The following SLC1A7 variants were observed in gnomAD, a reference collection of about 807,000 sequenced individuals.
The protein encoded by SLC1A7 is excitatory amino acid transporter 5.
In SLC1A7, 40 loss-of-function variants were observed where a neutral mutation model predicts 47.7. That is an observed-to-expected ratio of 0.84 (90% CI 0.65 to 1.09). SLC1A7 has a LOEUF of 1.09. Ranked by LOEUF, SLC1A7 falls within the 50% of genes least tolerant of loss-of-function variation. The pLI is 0.00. For synonymous variants in SLC1A7, 323 were observed against 325.6 expected (o/e 0.99, Z 0.09); for missense variants, 746 against 769.5 (o/e 0.97, Z 0.36).
chr1:53,124,885 T>C (rs924334055), intron 2 of SLC1A7, among the ~76,000 whole-genome samples: 1 of 152,086 alleles, frequency 6.6e-6, no homozygotes, highest in African/African-American at 2.4e-5. Context: ...ATCACCAAGG[T>C]GAAGGTGCAG....
At chr1:53,139,877 C>A (rs1044972136) in intron 1 of SLC1A7, among the ~76,000 whole-genome samples, 3 of 152,066 alleles carry the variant, frequency 2.0e-5, no homozygotes, top group Admixed American at 1.3e-4. Flanking sequence ...AATGGATACA[C>A]CTGTGATTCA....
At chr1:53,136,564 T>TAATATATAAACATATATAATAC (rs1644997928) in intron 1 of SLC1A7, among the ~76,000 whole-genome samples, 1 of 142,992 alleles carries the variant, frequency 7.0e-6, no homozygotes, top group Non-Finnish European at 1.5e-5. Context: ...TAAACATATA[T>TAATATATAAACATATATAATAC]ATAAACATAT....
At chr1:53,095,708 C>T (rs1038322089) in intron 5 of SLC1A7, among the ~76,000 whole-genome samples, 7 of 150,110 alleles carry the variant, frequency 4.7e-5, no homozygotes, top group East Asian at 2.0e-4. Context: ...CACCCTGCCT[C>T]GGTACACACA....
intron 1 of SLC1A7, among the ~76,000 whole-genome samples, chr1:53,138,066 T>C (rs1645018966): frequency 6.6e-6 from 1 of 152,240 alleles, no homozygotes; most frequent in Middle Eastern, 3.2e-3. Flanking sequence ...ACCTCTGATA[T>C]TAGCCTGGCC....
chr1:53,112,572 G>T (rs746316962), intron 3 of SLC1A7, among the ~76,000 whole-genome samples: 11 of 152,354 alleles, frequency 7.2e-5, no homozygotes, highest in Non-Finnish European at 1.6e-4. Flanking sequence ...GGAAAGGAAT[G>T]CTTCTCCACA....
At chr1:53,099,738 T>C (rs1644550036) in intron 5 of SLC1A7, among the ~76,000 whole-genome samples, 1 of 142,970 alleles carries the variant, frequency 7.0e-6, no homozygotes, top group Non-Finnish European at 1.5e-5. Context: ...CCCCTCCTTG[T>C]TACACACACA....
chr1:53,102,291 A>G lies in SLC1A7; in HGVS notation c.697+1055T>C, dbSNP rs60400060. 1,069 of 152,388 alleles carry G rather than the reference A, an allele frequency of 7.0e-3. 76 individuals are homozygous for G. In the East Asian group the frequency reaches 0.16, roughly 23 times the overall value. The allele number at this position is 152,388 out of a possible 1,614,324, so 9.4% of individuals were successfully genotyped here. A position where few individuals can be genotyped will look rare whatever the true frequency, so the allele number is the denominator to read the frequency against. ...GGTCTGCTGAGTGCCTGCTGTAGCCACGGCAGCGGTGGGCTCTGGGGTGGA... is the reference window on the plus strand; with the variant it reads ...GGTCTGCTGAGTGCCTGCTGTAGCCGCGGCAGCGGTGGGCTCTGGGGTGGA... On this transcript the variant is annotated intron_variant, in intron 5 of 10. Coordinates refer to ENST00000371494, the MANE Select transcript of SLC1A7 (RefSeq NM_006671.6).
chr1:53,130,632 G>T (rs1030573147), intron 2 of SLC1A7, among the ~76,000 whole-genome samples: 3 of 152,194 alleles, frequency 2.0e-5, no homozygotes, highest in African/African-American at 4.8e-5. Flanking sequence ...GAGCCAGAAG[G>T]TCTGACCCCA....
chr1:53,093,415 C>T, intron 6 of SLC1A7, 46 bp downstream of exon 6: 1 of 1,419,224 alleles, frequency 7.0e-7, no homozygotes, highest in Non-Finnish European at 9.8e-7. Context: ...TTCCCTCCAT[C>T]CACCCAGGGC....
At chr1:53,137,287 C>A (rs866191751) in intron 1 of SLC1A7, among the ~76,000 whole-genome samples, 39 of 100,746 alleles carry the variant, frequency 3.9e-4, no homozygotes, top group Admixed American at 7.7e-4. Flanking sequence ...ACGCTATCTC[C>A]AAAAAAAAAA....
intron 4 of SLC1A7, among the ~76,000 whole-genome samples, chr1:53,105,159 T>C (rs143777585): frequency 6.6e-6 from 1 of 152,352 alleles, no homozygotes; most frequent in African/African-American, 2.4e-5. Context: ...TATCCTCTGC[T>C]ACCAGGGACT....
At position 53,136,296 on chromosome 1, in the gene SLC1A7, C is replaced by G. The variant is rs1644993404; in HGVS notation, c.136-1867G>C. On this transcript the variant is annotated intron_variant, in intron 1 of 10. Transcript: ENST00000371494. Reference sequence around the variant, plus strand: ...GCAACCTCCGCCTCCCAGGTTCAACCAATCCCCCTGCCTCACCCTCCCAAG... The same window carrying G: ...GCAACCTCCGCCTCCCAGGTTCAACGAATCCCCCTGCCTCACCCTCCCAAG... Among the ~76,000 whole-genome samples, 3 of 147,776 alleles carry G rather than the reference C, an allele frequency of 2.0e-5. No individual in the cohort carries two copies. In the Admixed American group the frequency reaches 2.0e-4, roughly 10 times the overall value.
chr1:53,089,051 G>A, intron 9 of SLC1A7, 72 bp from the exon 10 acceptor site: 1 of 1,167,776 alleles, frequency 8.6e-7, no homozygotes, highest in Non-Finnish European at 1.3e-6. Flanking sequence ...GCTCAACCCA[G>A]CACAGTACAG....
intron 1 of SLC1A7, among the ~76,000 whole-genome samples, chr1:53,140,544 T>C (rs1645047051): frequency 6.6e-6 from 1 of 152,136 alleles, no homozygotes. Flanking sequence ...TAACCAGCTC[T>C]GAAGCCAGGC....
At chr1:53,136,638 A>AACATATATAATATATATAT (rs1557693484) in intron 1 of SLC1A7, among the ~76,000 whole-genome samples, 107 of 42,798 alleles carry the variant, frequency 2.5e-3, no homozygotes, top group African/African-American at 0.013. Flanking sequence ...ATAATATATA[A>AACATATATAATATATATAT]AAACATATAT....
rs183298401 is a variant in SLC1A7, at chr1:53,119,525, A to G, written c.216-4552T>C. On this transcript the variant is annotated intron_variant, in intron 2 of 10. Transcript: ENST00000371494. Reference sequence around the variant, plus strand: ...CACCATGCCTGGCTAATTTTTAAAAATTTTTAGTAGAGATGGGGGTATCTT... The same window carrying G: ...CACCATGCCTGGCTAATTTTTAAAAGTTTTTAGTAGAGATGGGGGTATCTT... Among the ~76,000 whole-genome samples the G allele has an allele frequency of 4.6e-5, 7 of 152,160 alleles. No homozygotes were observed. The East Asian group carries it at 1.4e-3, about 29-fold the overall frequency.
chr1:53,126,178 C>T (rs1271862396), intron 2 of SLC1A7, among the ~76,000 whole-genome samples: 2 of 152,208 alleles, frequency 1.3e-5, no homozygotes, highest in African/African-American at 4.8e-5. Context: ...ACACCCACCC[C>T]TCTGCAGGCC....
chr1:53,090,282 C>T lies in SLC1A7; in HGVS notation c.1226+330G>A, dbSNP rs116005653. ...TGCCTGCCTGCCTCTGGGGCCTGGC[C>T]TCCAGGGTCAGACCTGTGTGCTTGG... On this transcript the variant is annotated intron_variant, in intron 8 of 10. Coordinates refer to ENST00000371494, the MANE Select transcript of SLC1A7 (RefSeq NM_006671.6). 7.4e-3 allele frequency: 3,986 copies of T among 540,668 alleles called. 26 individuals are homozygous for T. Among genetic ancestry groups the T allele is most frequent in the Non-Finnish European group, 9.4e-3 (2,860 of 303,752 alleles). 33.5% of individuals were successfully genotyped at this position (540,668 alleles called of 1,614,324 possible). A position where few individuals can be genotyped will look rare whatever the true frequency, so the allele number is the denominator to read the frequency against.
chr1:53,093,503 C>T lies in SLC1A7; in HGVS notation c.755G>A (p.Cys252Tyr). 1 of 1,611,122 alleles carries T rather than the reference C, an allele frequency of 6.2e-7. No homozygotes were observed. Among genetic ancestry groups the T allele is most frequent in the Non-Finnish European group, 8.5e-7 (1 of 1,179,860 alleles). The change falls in exon 6 of 11, where the codon TGC becomes TAC. Residue 252 changes from cysteine to tyrosine, a missense_variant. Coordinates refer to ENST00000371494, the MANE Select transcript of SLC1A7 (RefSeq NM_006671.6). ...GATCTTCATGACCGACTCATTGAGG[C>T]ACTGGCAGAAGCTGACCAGGGGGGC... ...SGAPLVSFCQ[C>Y]LNESVMKIVA...
Sources: gnomAD v4.1 joint callset for allele counts (sites outside exome capture counted in the v4.1 genomes callset) on GRCh38, gnomAD v4.1.1 for gene constraint, MANE v1.5 for transcripts, NCBI Gene and HGNC (gene_info 2026-07-23, HGNC 2026-07-21) for gene names.